FHOD3: variants seen among roughly 807,000 people sequenced by gnomAD.
The protein encoded by FHOD3 is formin homology 2 domain containing 3.
FHOD3 carries 90 observed loss-of-function variants against 173.0 expected under a neutral mutation model. The ratio of observed to expected loss-of-function variants is 0.52; its 90% CI spans 0.44 to 0.62. The LOEUF (loss-of-function observed/expected upper bound fraction) is 0.62. Ranked by LOEUF, FHOD3 falls within the 20% of genes least tolerant of loss-of-function variation. FHOD3 has a pLI of 0.00. For missense variants in FHOD3, 1,945 were observed against 2,034.7 expected (o/e 0.96, Z 0.85); for synonymous variants, 828 against 823.0 (o/e 1.01, Z -0.10).
chr18:36,579,945 A>G (rs1004275772), intron 6 of FHOD3, among the ~76,000 whole-genome samples: 1 of 150,266 alleles, frequency 6.7e-6, no homozygotes, highest in African/African-American at 2.5e-5. Context: ...GCAGCAGAGA[A>G]AAAAAAAAAC....
At chr18:36,708,848 T>C (rs1330548499) in intron 17 of FHOD3, among the ~76,000 whole-genome samples, 1 of 152,186 alleles carries the variant, frequency 6.6e-6, no homozygotes, top group Non-Finnish European at 1.5e-5. Context: ...CCTTTCCTGA[T>C]TGGATCCAAC....
intron 1 of FHOD3, among the ~76,000 whole-genome samples, chr18:36,341,019 A>G (rs1319017415): frequency 6.6e-6 from 1 of 152,032 alleles, no homozygotes; most frequent in Non-Finnish European, 1.5e-5. Flanking sequence ...TCTTCCTTGT[A>G]TTCTCTTGCG....
At chr18:36,740,475 G>T (rs771735011) in intron 20 of FHOD3, among the ~76,000 whole-genome samples, 181 bp from the exon 21 acceptor site, 4 of 152,088 alleles carry the variant, frequency 2.6e-5, no homozygotes, top group Non-Finnish European at 5.9e-5. Flanking sequence ...TGTCCTATGT[G>T]TGTGAGACCC....
Position 36,629,869 on chromosome 18 carries a change from G to C in FHOD3, c.1196+4120G>C, listed in dbSNP as rs541968416. On this transcript the variant is annotated intron_variant, in intron 10 of 28. Coordinates refer to ENST00000590592, the MANE Select transcript of FHOD3 (RefSeq NM_001281740.3). ...AGTGGTTCTTGACCGGGGTGATTTTGCCACCTAGGAGACATCTGGACACAT... is the reference window on the plus strand; with the variant it reads ...AGTGGTTCTTGACCGGGGTGATTTTCCCACCTAGGAGACATCTGGACACAT... Among the ~76,000 whole-genome samples, 5 of 152,244 alleles carry C rather than the reference G, an allele frequency of 3.3e-5. No individual in the cohort carries two copies. The South Asian group carries it at 6.2e-4, about 19-fold the overall frequency.
chr18:36,770,551 A>G (rs962130514), intron 28 of FHOD3, among the ~76,000 whole-genome samples: 2 of 152,180 alleles, frequency 1.3e-5, no homozygotes, highest in African/African-American at 4.8e-5. Context: ...CAGAAAGGAA[A>G]ATAACACTTG....
chr18:36,525,122 T>C (rs1309692049), intron 5 of FHOD3, among the ~76,000 whole-genome samples: 2 of 152,092 alleles, frequency 1.3e-5, no homozygotes, highest in Non-Finnish European at 2.9e-5. Flanking sequence ...GTATAACGGA[T>C]GTGTAAATAT....
chr18:36,730,669 G>C lies in FHOD3; in HGVS notation c.3441G>C (p.Arg1147Ser), dbSNP rs768444846. The stretch of plus-strand genomic sequence containing the variant: ...AGAAAACTGCTGCAGATGGAAAAAG[G>C]CAAGAGATCATTGTTCTGGATTCCA... The part of the protein sequence containing the change: ...VSKKTAADGK[R>S]QEIIVLDSKR... Residue 1147 changes from arginine (R) to serine (S), a missense_variant, in exon 20 of 29, where the codon AGG (arginine) becomes AGC (serine). By Grantham distance (110) the Arg-to-Ser change is moderately radical. Coordinates refer to ENST00000590592, the MANE Select transcript of FHOD3 (RefSeq NM_001281740.3). 5.0e-6 allele frequency: 8 copies of C among 1,613,412 alleles called. No individual in the cohort carries two copies. The highest frequency in any genetic ancestry group is 6.8e-6 in the Non-Finnish European group (8 of 1,179,856).
intron 3 of FHOD3, among the ~76,000 whole-genome samples, chr18:36,434,598 C>T (rs2050718528): frequency 6.6e-6 from 1 of 151,926 alleles, no homozygotes; most frequent in African/African-American, 2.4e-5. Flanking sequence ...TTTAAAAAAT[C>T]TGGGATTTTT....
intron 20 of FHOD3, among the ~76,000 whole-genome samples, chr18:36,732,501 T>C (rs765400472): frequency 6.6e-6 from 1 of 152,200 alleles, no homozygotes; most frequent in Non-Finnish European, 1.5e-5. Flanking sequence ...CCAGTCAGCA[T>C]ATCCAGGTGT....
chr18:36,454,224 A>G (rs1279499684), intron 3 of FHOD3, among the ~76,000 whole-genome samples: 2 of 152,068 alleles, frequency 1.3e-5, no homozygotes, highest in East Asian at 3.9e-4. Flanking sequence ...GCACACACAC[A>G]CACACAGGAG....
chr18:36,426,904 A>C (rs2050276397), intron 3 of FHOD3, among the ~76,000 whole-genome samples: 1 of 152,186 alleles, frequency 6.6e-6, no homozygotes, highest in Non-Finnish European at 1.5e-5. Context: ...ATCACCACCA[A>C]CCAGTGAGAT....
chr18:36,495,772 C>A (rs974338647), intron 3 of FHOD3, among the ~76,000 whole-genome samples: 1 of 152,178 alleles, frequency 6.6e-6, no homozygotes, highest in South Asian at 2.1e-4. Flanking sequence ...CACATATACA[C>A]GTGGGAGACC....
In FHOD3 at chr18:36,742,732, G is replaced by C. The variant is rs1457085824; in HGVS notation, c.3760-5G>C. ...TTTATTGTCTAATTTTTTTTTAACT[G>C]AAAGGAAGTAGCAGAACCACTCCTG... On this transcript the variant is annotated splice_polypyrimidine_tract_variant and splice_region_variant and intron_variant, in intron 21 of 28. Transcript: ENST00000590592. 4 of 1,596,758 alleles carry C rather than the reference G, an allele frequency of 2.5e-6. No homozygotes were observed. The highest frequency in any genetic ancestry group is 3.4e-6 in the Non-Finnish European group (4 of 1,175,588).
intron 3 of FHOD3, among the ~76,000 whole-genome samples, chr18:36,399,353 T>A (rs2048697632): frequency 6.6e-6 from 1 of 152,246 alleles, no homozygotes; most frequent in Admixed American, 6.5e-5. Flanking sequence ...AGCTTGCACC[T>A]ATGGGTCTGT....
intron 10 of FHOD3, among the ~76,000 whole-genome samples, chr18:36,647,886 G>A (rs377347694): frequency 6.9e-4 from 105 of 152,352 alleles, no homozygotes; most frequent in African/African-American, 2.2e-3. Context: ...TGTGGGGTGG[G>A]AGAGGGAAGC....
chr18:36,444,065 C>T lies in FHOD3; in HGVS notation c.338-57867C>T, dbSNP rs112464700. On this transcript the variant is annotated intron_variant, in intron 3 of 28. Coordinates refer to ENST00000590592, the MANE Select transcript of FHOD3 (RefSeq NM_001281740.3). ...AAAATTAGCCGGGGGCAGTGGCGGG[C>T]GCCTGTAGTCCCAGCTGTTCAGGAG... Among the ~76,000 whole-genome samples the T allele has an allele frequency of 2.7e-3, 416 of 151,916 alleles. 2 individuals are homozygous for T. The highest frequency in any genetic ancestry group is 9.4e-3 in the African/African-American group (388 of 41,478).
intron 3 of FHOD3, among the ~76,000 whole-genome samples, chr18:36,443,289 T>G (rs2051261294): frequency 6.6e-6 from 1 of 152,234 alleles, no homozygotes; most frequent in African/African-American, 2.4e-5. Context: ...AATTTTCTGT[T>G]TCTGTGATTC....
chr18:36,517,912 G>A (rs1351312597), intron 5 of FHOD3, among the ~76,000 whole-genome samples: 1 of 152,080 alleles, frequency 6.6e-6, no homozygotes. Flanking sequence ...TCATATTAGG[G>A]GATCCCTTAA....
At chr18:36,333,909 C>T (rs1318267110) in intron 1 of FHOD3, among the ~76,000 whole-genome samples, 1 of 152,170 alleles carries the variant, frequency 6.6e-6, no homozygotes, top group Non-Finnish European at 1.5e-5. Context: ...TTTTTTAACC[C>T]CCAGTGCTTT....
Sources: allele counts gnomAD v4.1 joint callset (sites outside exome capture counted in the v4.1 genomes callset), GRCh38; gene constraint gnomAD v4.1.1; transcripts MANE v1.5; gene names NCBI Gene and HGNC (gene_info 2026-07-23, HGNC 2026-07-21).